The following TTLL5 variants were observed in gnomAD, a reference collection of about 807,000 sequenced individuals.
The protein encoded by TTLL5 is tubulin tyrosine ligase like 5.
TTLL5 carries 132 observed loss-of-function variants against 168.4 expected under a neutral mutation model. The ratio of observed to expected loss-of-function variants is 0.78; its 90% CI spans 0.68 to 0.91. The LOEUF (loss-of-function observed/expected upper bound fraction) is 0.91, where lower values mean the gene tolerates loss of function less well. Among genes scored for constraint, TTLL5 ranks in the 40% least tolerant of loss-of-function variants. The pLI is 0.00. For missense variants in TTLL5, 1,545 were observed against 1,581.5 expected, an observed-to-expected ratio of 0.98 and a Z score of 0.39; for synonymous variants, 546 against 558.6, an observed-to-expected ratio of 0.98 and a Z score of 0.32.
At chr14:75,759,004 G>A (rs1283559630) in intron 18 of TTLL5, among the ~76,000 whole-genome samples, 1 of 152,074 alleles carries the variant, frequency 6.6e-6, no homozygotes. Context: ...GTAAGTGGAA[G>A]AAAGGAAAGG....
chr14:75,890,410 C>G (rs2032342277), intron 30 of TTLL5, among the ~76,000 whole-genome samples: 1 of 151,802 alleles, frequency 6.6e-6, no homozygotes, highest in Admixed American at 6.6e-5. Context: ...ATACTTCTGC[C>G]AGAAGAATAA....
intron 15 of TTLL5, among the ~76,000 whole-genome samples, chr14:75,739,294 A>G (rs956858962): frequency 6.6e-6 from 1 of 151,912 alleles, no homozygotes; most frequent in Non-Finnish European, 1.5e-5. Context: ...AGCCAGCTTT[A>G]TACATGTTGA....
At position 75,852,556 on chromosome 14, in the gene TTLL5, C is replaced by A. The variant is rs372354326; in HGVS notation, c.3327-11111C>A. Among the ~76,000 whole-genome samples, 39 of 152,204 alleles carry A rather than the reference C, an allele frequency of 2.6e-4. 2 individuals carry two copies. The South Asian group carries it at 6.2e-3, about 24-fold the overall frequency. On this transcript the variant is annotated intron_variant, in intron 28 of 31. Transcript: ENST00000298832. ...GATCTCTAACACCATCCCTATTATA[C>A]TTTAACTCTTCCCATAGAAGAACCA...
At chr14:75,914,092 G>GTTTTGT (rs1410501178) in intron 31 of TTLL5, among the ~76,000 whole-genome samples, 1 of 119,812 alleles carries the variant, frequency 8.3e-6, no homozygotes, top group Non-Finnish European at 1.7e-5. Flanking sequence ...TTTTTGTTTT[G>GTTTTGT]TTTTGTTTTT....
intron 31 of TTLL5, among the ~76,000 whole-genome samples, chr14:75,909,303 T>C (rs775180097): frequency 1.4e-5 from 2 of 147,352 alleles, no homozygotes; most frequent in African/African-American, 2.5e-5. Flanking sequence ...CAGGGCCAGG[T>C]ACCAGGCAAC....
chr14:75,828,639 A>G (rs1895374210), intron 28 of TTLL5, among the ~76,000 whole-genome samples: 1 of 152,194 alleles, frequency 6.6e-6, no homozygotes, highest in Non-Finnish European at 1.5e-5. Flanking sequence ...TGTATTGTTC[A>G]AGGGTCAACT....
chr14:75,773,241 C>T lies in TTLL5; in HGVS notation c.2136+1387C>T, dbSNP rs529903749. 2.0e-5 allele frequency among the ~76,000 whole-genome samples: 3 copies of T among 152,308 alleles called. No individual in the cohort carries two copies. The East Asian group carries it at 5.8e-4, about 29-fold the overall frequency. On this transcript the variant is annotated intron_variant, in intron 21 of 31. Coordinates refer to ENST00000298832, the MANE Select transcript of TTLL5 (RefSeq NM_015072.5). Reference sequence around the variant, plus strand: ...CCATCAGTGGAAAATGTTAGCTCTGCTCTTTCCAAGTGGAAAATTGAAACT... The same window carrying T: ...CCATCAGTGGAAAATGTTAGCTCTGTTCTTTCCAAGTGGAAAATTGAAACT...
chr14:75,705,291 A>T (rs1886571497), intron 7 of TTLL5, among the ~76,000 whole-genome samples: 1 of 151,982 alleles, frequency 6.6e-6, no homozygotes, highest in Non-Finnish European at 1.5e-5. Flanking sequence ...CTGAGAGAGG[A>T]CTCTCATTCT....
At chr14:75,893,826 A>T (rs1458422004) in intron 30 of TTLL5, among the ~76,000 whole-genome samples, 1 of 73,314 alleles carries the variant, frequency 1.4e-5, no homozygotes, top group Non-Finnish European at 2.5e-5. Context: ...TCAAAAAAAA[A>T]AAAAAAAAAA....
chr14:75,707,775 C>A, intron 9 of TTLL5, 68 bp downstream of exon 9: 3 of 1,283,130 alleles, frequency 2.3e-6, no homozygotes, highest in Admixed American at 1.9e-5. Flanking sequence ...AAGAGTGGAT[C>A]CATTAACAAG....
At chr14:75,686,227 G>A (rs80024685) in intron 5 of TTLL5, among the ~76,000 whole-genome samples, 6,794 of 152,170 alleles carry the variant, frequency 0.045, 248 homozygotes, top group African/African-American at 0.1. Context: ...GGCTAACCAA[G>A]GTGCCTTTTT....
In TTLL5 at chr14:75,725,670, A is replaced by G. The variant is rs1888147661; in HGVS notation, c.1042+4967A>G. 2.0e-5 allele frequency among the ~76,000 whole-genome samples: 3 copies of G among 152,150 alleles called. No homozygotes were observed. The South Asian group carries it at 6.2e-4, about 32-fold the overall frequency. On this transcript the variant is annotated intron_variant, in intron 12 of 31. Transcript: ENST00000298832. The stretch of plus-strand genomic sequence containing the variant: ...CCTTATGAGTCCGGCCACTTTTGGC[A>G]TGCCCCATATCCTGGATTCTCCCTC...
In TTLL5 at chr14:75,710,496, T is replaced by C. The variant is rs1204648528; in HGVS notation, c.740+2789T>C. On this transcript the variant is annotated intron_variant, in intron 9 of 31. Transcript: ENST00000298832. Reference sequence around the variant, plus strand: ...CAGCTTTTAAAAAACTCAGACCAAGTAGAACCAGAAAGCCACATGAATTTT... The same window carrying C: ...CAGCTTTTAAAAAACTCAGACCAAGCAGAACCAGAAAGCCACATGAATTTT... 3 of 151,964 alleles carry C rather than the reference T, an allele frequency of 2.0e-5. No individual in the cohort carries two copies. In the East Asian group the frequency reaches 5.8e-4, roughly 29 times the overall value. 9.4% of individuals were successfully genotyped at this position (151,964 alleles called of 1,614,324 possible). A position where few individuals can be genotyped will look rare whatever the true frequency, so the allele number is the denominator to read the frequency against.
intron 3 of TTLL5, among the ~76,000 whole-genome samples, chr14:75,677,432 G>A (rs1473404249): frequency 8.5e-6 from 1 of 117,688 alleles, no homozygotes; most frequent in Non-Finnish European, 1.6e-5. Flanking sequence ...GTCTCACCCT[G>A]TCACTCAGGC....
rs1194006811 is a variant in TTLL5, at chr14:75,773,903, A to ATAC, written c.2137-1581_2137-1580insTAC. 4.5e-4 allele frequency among the ~76,000 whole-genome samples: 34 copies of ATAC among 74,726 alleles called. 1 individual carries two copies. Among genetic ancestry groups the ATAC allele is most frequent in the South Asian group, 1.7e-3 (4 of 2,354 alleles). 49.0% of individuals were successfully genotyped at this position (74,726 alleles called of 152,430 possible). A position where few individuals can be genotyped will look rare whatever the true frequency, so the allele number is the denominator to read the frequency against. Reference sequence around the variant, plus strand: ...AGATACCGTCTCAAAAAAAAAAAAAAATACATATATATATATATATATATA... The same window carrying ATAC: ...AGATACCGTCTCAAAAAAAAAAAAAATACATACATATATATATATATATATATA... On this transcript the variant is annotated intron_variant, in intron 21 of 31. Transcript: ENST00000298832.
intron 31 of TTLL5, among the ~76,000 whole-genome samples, chr14:75,949,471 T>C (rs1194028388): frequency 1.5e-5 from 2 of 134,058 alleles, no homozygotes; most frequent in East Asian, 4.2e-4. Context: ...ATATATAACC[T>C]TATATAAAGA....
chr14:75,755,269 A>AAATAAT (rs71119390), intron 18 of TTLL5, among the ~76,000 whole-genome samples: 68 of 47,924 alleles, frequency 1.4e-3, no homozygotes, highest in Middle Eastern at 9.6e-3. Context: ...CTGTCTCCAA[A>AAATAAT]AATAATAATA....
At chr14:75,949,904 T>G (rs539387367) in intron 31 of TTLL5, among the ~76,000 whole-genome samples, 20 of 152,208 alleles carry the variant, frequency 1.3e-4, no homozygotes, top group Non-Finnish European at 2.1e-4. Flanking sequence ...CAGTTCTCCC[T>G]AAAATTGATT....
intron 31 of TTLL5, among the ~76,000 whole-genome samples, chr14:75,941,263 T>G (rs1346181017): frequency 6.6e-6 from 1 of 152,210 alleles, no homozygotes; most frequent in Non-Finnish European, 1.5e-5. Flanking sequence ...GAAATGGATC[T>G]GATGTTCTTG....
Sources: gnomAD v4.1 joint callset for allele counts (sites outside exome capture counted in the v4.1 genomes callset) on GRCh38, gnomAD v4.1.1 for gene constraint, MANE v1.5 for transcripts, NCBI Gene and HGNC (gene_info 2026-07-23, HGNC 2026-07-21) for gene names.